The following ASAP1 variants were observed in gnomAD, a reference collection of about 807,000 sequenced individuals.
ASAP1 encodes the protein ArfGAP with SH3 domain, ankyrin repeat and PH domain 1.
A neutral mutation model predicts 145.2 loss-of-function variants in ASAP1; 43 were observed. That is an observed-to-expected ratio of 0.30 (90% CI 0.23 to 0.38). The LOEUF is 0.38. Among genes scored for constraint, ASAP1 ranks in the 10% least tolerant of loss-of-function variants. The pLI, the probability that ASAP1 is intolerant of heterozygous loss-of-function variation, is 1.00. For missense variants in ASAP1, 1,018 were observed against 1,355.3 expected (o/e 0.75, Z 3.91); for synonymous variants, 546 against 515.5 (o/e 1.06, Z -0.80).
intron 3 of ASAP1, among the ~76,000 whole-genome samples, chr8:130,353,854 G>C (rs1586891391): frequency 6.7e-6 from 1 of 148,960 alleles, no homozygotes; most frequent in African/African-American, 2.6e-5. Flanking sequence ...CTCGGCGACA[G>C]AGTGAGAGAG....
intron 29 of ASAP1, among the ~76,000 whole-genome samples, chr8:130,056,788 G>T (rs1001214131): frequency 2.0e-5 from 3 of 152,224 alleles, no homozygotes; most frequent in Admixed American, 6.5e-5. Flanking sequence ...CTCTTGGCAG[G>T]ACGGGGCTCA....
At chr8:130,159,127 C>T (rs1003923120) in intron 12 of ASAP1, among the ~76,000 whole-genome samples, 1 of 152,144 alleles carries the variant, frequency 6.6e-6, no homozygotes, top group Non-Finnish European at 1.5e-5. Context: ...GTTAGGAGGC[C>T]GCTGAATACT....
chr8:130,302,514 A>G (rs890281338), intron 3 of ASAP1, among the ~76,000 whole-genome samples: 4 of 152,246 alleles, frequency 2.6e-5, no homozygotes, highest in Non-Finnish European at 5.9e-5. Flanking sequence ...AACAGGAAGA[A>G]CAGATAGAGA....
chr8:130,171,400 C>T (rs1175811103), intron 9 of ASAP1, among the ~76,000 whole-genome samples: 1 of 152,110 alleles, frequency 6.6e-6, no homozygotes, highest in African/African-American at 2.4e-5. Context: ...AACTTACAAC[C>T]ATGGCAGAAG....
At chr8:130,260,895 T>C (rs1357749903) in intron 3 of ASAP1, among the ~76,000 whole-genome samples, 3 of 152,218 alleles carry the variant, frequency 2.0e-5, no homozygotes, top group Admixed American at 6.5e-5. Context: ...TATATTGTGG[T>C]GCATAAAACC....
intron 3 of ASAP1, among the ~76,000 whole-genome samples, chr8:130,289,806 ATTGT>A (rs1279118867): frequency 2.0e-5 from 3 of 152,184 alleles, no homozygotes; most frequent in African/African-American, 7.2e-5. Context: ...CAGTATACTT[ATTGT>A]TTATTATACA....
chr8:130,382,612 T>G (rs2138404261), intron 2 of ASAP1, among the ~76,000 whole-genome samples: 1 of 152,312 alleles, frequency 6.6e-6, no homozygotes, highest in Admixed American at 6.5e-5. Context: ...TTTGGGAAAC[T>G]GAGGTGGGCG....
At chr8:130,208,448 T>G (rs1237648741) in intron 5 of ASAP1, among the ~76,000 whole-genome samples, 1 of 152,214 alleles carries the variant, frequency 6.6e-6, no homozygotes, top group Non-Finnish European at 1.5e-5. Context: ...TAACTACTGA[T>G]CTGCTCTCCA....
At chr8:130,334,637 GA>G (rs1401533420) in intron 3 of ASAP1, among the ~76,000 whole-genome samples, 1 of 152,050 alleles carries the variant, frequency 6.6e-6, no homozygotes, top group African/African-American at 2.4e-5. Context: ...AATTCAGAGG[GA>G]AAAAAACACA....
At chr8:130,103,485 T>C (rs1592806189) in intron 24 of ASAP1, among the ~76,000 whole-genome samples, 1 of 152,202 alleles carries the variant, frequency 6.6e-6, no homozygotes, top group East Asian at 1.9e-4. Flanking sequence ...GGTGCACCAT[T>C]AGGTTATTTG....
chr8:130,302,782 T>TACC (rs1419062141), intron 3 of ASAP1, among the ~76,000 whole-genome samples: 1 of 152,172 alleles, frequency 6.6e-6, no homozygotes, highest in African/African-American at 2.4e-5. Flanking sequence ...AGAGGACATG[T>TACC]ACCAATGTAC....
chr8:130,382,740 G>A (rs1827838360), intron 2 of ASAP1, among the ~76,000 whole-genome samples: 1 of 152,190 alleles, frequency 6.6e-6, no homozygotes, highest in South Asian at 2.1e-4. Flanking sequence ...AGCTACTCAG[G>A]AGGCTGAGGC....
intron 23 of ASAP1, among the ~76,000 whole-genome samples, chr8:130,114,199 T>G (rs187498450): frequency 6.6e-6 from 1 of 152,310 alleles, no homozygotes; most frequent in East Asian, 1.9e-4. Context: ...TGTTAGGTGA[T>G]TTCGTTCTTG....
chr8:130,425,085 C>T lies in ASAP1; in HGVS notation c.-28+18375G>A, dbSNP rs141944971. Among the ~76,000 whole-genome samples, 474 of 152,282 alleles carry T rather than the reference C, an allele frequency of 3.1e-3. 11 individuals carry two copies. In the East Asian group the frequency reaches 0.044, roughly 14 times the overall value. On this transcript the variant is annotated intron_variant, in intron 1 of 29. Coordinates refer to ENST00000518721, the MANE Select transcript of ASAP1 (RefSeq NM_018482.4). ...ATGGCTTATCCCTGTAATCCCAACA[C>T]TTTGAGAGGCCGAAGTGGGCGAAAT...
chr8:130,344,152 C>T (rs1000765219), intron 3 of ASAP1, among the ~76,000 whole-genome samples: 8 of 152,170 alleles, frequency 5.3e-5, no homozygotes, highest in African/African-American at 1.9e-4. Flanking sequence ...GATAAACCAC[C>T]ACTTTCTTTG....
intron 1 of ASAP1, among the ~76,000 whole-genome samples, chr8:130,417,095 T>C (rs757554788): frequency 1.3e-5 from 2 of 151,974 alleles, no homozygotes; most frequent in Non-Finnish European, 2.9e-5. Context: ...CATGTACAAC[T>C]GCACACATAC....
intron 24 of ASAP1, among the ~76,000 whole-genome samples, chr8:130,109,303 T>C (rs139682596): frequency 1.3e-5 from 2 of 152,302 alleles, no homozygotes; most frequent in East Asian, 3.9e-4. Flanking sequence ...TCTGGGGCAC[T>C]GCTCACTTGT....
chr8:130,248,385 G>T (rs1375098347), intron 3 of ASAP1, among the ~76,000 whole-genome samples: 1 of 152,270 alleles, frequency 6.6e-6, no homozygotes, highest in African/African-American at 2.4e-5. Context: ...ACAACCACGT[G>T]CATGCCAACA....
intron 1 of ASAP1, among the ~76,000 whole-genome samples, chr8:130,439,908 A>G (rs1467611710): frequency 6.6e-6 from 1 of 152,154 alleles, no homozygotes; most frequent in African/African-American, 2.4e-5. Flanking sequence ...CCTCCTAGAC[A>G]TCTCAAATTT....
Sources: gnomAD v4.1 joint callset for allele counts (sites outside exome capture counted in the v4.1 genomes callset) on GRCh38, gnomAD v4.1.1 for gene constraint, MANE v1.5 for transcripts, NCBI Gene and HGNC (gene_info 2026-07-23, HGNC 2026-07-21) for gene names.